Variants in SRP54 observed in about 807,000 individuals in gnomAD.
The protein encoded by SRP54 is signal recognition particle subunit SRP54.
Under a neutral mutation model 64.8 loss-of-function variants are expected in SRP54, and 10 were observed. That is an observed-to-expected ratio of 0.15 (90% confidence interval 0.10 to 0.26). The LOEUF is 0.26. Ranked by LOEUF, SRP54 falls within the 10% of genes least tolerant of loss-of-function variation. SRP54 has a pLI of 1.00. For synonymous variants in SRP54, 193 were observed against 185.6 expected (o/e 1.04, Z -0.32); for missense variants, 325 against 613.7 (o/e 0.53, Z 4.97).
chr14:34,986,074 A>T (rs1027602457), intron 1 of SRP54, among the ~76,000 whole-genome samples: 2 of 152,202 alleles, frequency 1.3e-5, no homozygotes, highest in Non-Finnish European at 2.9e-5. Flanking sequence ...GCCAGAAAGT[A>T]TCGTAAAGAA....
At chr14:35,023,998 T>A (rs956961964) in intron 14 of SRP54, among the ~76,000 whole-genome samples, 1 of 152,002 alleles carries the variant, frequency 6.6e-6, no homozygotes, top group Non-Finnish European at 1.5e-5. Context: ...GCTAAAAAAA[T>A]TTTGTAGTAA....
At chr14:34,999,001 G>T (rs201828191) in intron 2 of SRP54, among the ~76,000 whole-genome samples, 22,440 of 96,366 alleles carry the variant, frequency 0.23, 3,372 homozygotes, top group East Asian at 0.52. Context: ...GTGTGTGTGT[G>T]TGTGTGTGTG....
intron 4 of SRP54, among the ~76,000 whole-genome samples, chr14:35,002,644 C>T (rs1393492004): frequency 6.7e-6 from 1 of 149,536 alleles, no homozygotes; most frequent in Admixed American, 6.7e-5. Flanking sequence ...ACCATGTTGG[C>T]CAGGATGGTC....
intron 13 of SRP54, among the ~76,000 whole-genome samples, chr14:35,022,092 T>C (rs1030691828): frequency 3.3e-5 from 5 of 152,116 alleles, no homozygotes; most frequent in African/African-American, 1.2e-4. Context: ...CTCTTTCTGC[T>C]TGCTTATATA....
intron 1 of SRP54, among the ~76,000 whole-genome samples, chr14:34,994,638 T>C (rs2044037974): frequency 6.6e-6 from 1 of 152,210 alleles, no homozygotes; most frequent in Non-Finnish European, 1.5e-5. Context: ...TCTCCATTTC[T>C]GCTTATGCTA....
chr14:34,999,310 G>T (rs925076033), intron 2 of SRP54, among the ~76,000 whole-genome samples: 1 of 151,902 alleles, frequency 6.6e-6, no homozygotes, highest in East Asian at 1.9e-4. Flanking sequence ...CCACCATGCC[G>T]GGCCTATAAT....
chr14:35,008,884 C>CCT, intron 7 of SRP54, 53 bp downstream of exon 7: 1 of 676,430 alleles, frequency 1.5e-6, no homozygotes. Flanking sequence ...TGTCTGTCAG[C>CCT]TTTTTTTTTT....
intron 7 of SRP54, 152 bp from the exon 8 acceptor site, chr14:35,011,357 C>A: frequency 2.2e-6 from 1 of 459,166 alleles, no homozygotes; most frequent in Non-Finnish European, 3.6e-6. Context: ...GAAGTAGATT[C>A]TGTATTTAAT....
chr14:35,010,589 A>AC (rs1409332919), intron 7 of SRP54, among the ~76,000 whole-genome samples: 1 of 151,904 alleles, frequency 6.6e-6, no homozygotes, highest in African/African-American at 2.4e-5. Flanking sequence ...ACATGGTGAA[A>AC]CCCCGTCTTT....
chr14:35,011,946 T>C (rs961449049), intron 8 of SRP54, among the ~76,000 whole-genome samples: 4 of 152,154 alleles, frequency 2.6e-5, no homozygotes, highest in Non-Finnish European at 5.9e-5. Context: ...AGGCCGGGTA[T>C]GGTGGCTCAC....
intron 11 of SRP54, among the ~76,000 whole-genome samples, chr14:35,017,178 A>G (rs558121653): frequency 1.3e-5 from 2 of 152,194 alleles, no homozygotes; most frequent in African/African-American, 4.8e-5. Context: ...TCTATCTTGG[A>G]TAATCCTACC....
chr14:35,029,014 C>A, intron 15 of SRP54, 47 bp from the exon 16 acceptor site: 1 of 1,453,930 alleles, frequency 6.9e-7, no homozygotes, highest in Non-Finnish European at 9.6e-7. Flanking sequence ...TCCAGTTCTG[C>A]TTAATAATTC....
chr14:35,008,446 A>G lies in SRP54; in HGVS notation c.361-181A>G, dbSNP rs752980491. Among the ~76,000 whole-genome samples the G allele has an allele frequency of 7.0e-4, 107 of 152,242 alleles. 1 individual carries two copies. The highest frequency in any genetic ancestry group is 3.8e-4 in the Non-Finnish European group (26 of 68,046). On this transcript the variant is annotated intron_variant, in intron 5 of 15. Transcript: ENST00000216774. Reference sequence around the variant, plus strand: ...TATATTTGAATGCTACTGCATGACAATTAGAATATAAAACTTTGTAGGAAA... The same window carrying G: ...TATATTTGAATGCTACTGCATGACAGTTAGAATATAAAACTTTGTAGGAAA...
At chr14:35,024,177 AC>A (rs960056372) in intron 14 of SRP54, among the ~76,000 whole-genome samples, 1 of 151,900 alleles carries the variant, frequency 6.6e-6, no homozygotes. Flanking sequence ...AAAGGCATGC[AC>A]CACTACCGCC....
intron 1 of SRP54, among the ~76,000 whole-genome samples, chr14:34,987,216 G>A (rs2043909182): frequency 7.8e-6 from 1 of 128,716 alleles, no homozygotes; most frequent in Non-Finnish European, 1.6e-5. Context: ...GGGTGACAGA[G>A]AGACACTACA....
chr14:35,002,211 G>A (rs1421475887), intron 4 of SRP54, among the ~76,000 whole-genome samples: 1 of 151,716 alleles, frequency 6.6e-6, no homozygotes, highest in African/African-American at 2.4e-5. Context: ...AAAATTAGCC[G>A]GGCATGGTGG....
chr14:35,027,805 T>G (rs11625046), intron 14 of SRP54: 44,610 of 191,862 alleles, frequency 0.23, 6,143 homozygotes, highest in Non-Finnish European at 0.31. Context: ...AATAGTGGCT[T>G]ATTCACAGAT....
At chr14:34,985,125 G>A (rs1443472680) in intron 1 of SRP54, among the ~76,000 whole-genome samples, 1 of 152,170 alleles carries the variant, frequency 6.6e-6, no homozygotes, top group Non-Finnish European at 1.5e-5. Flanking sequence ...TAGCTCAAGA[G>A]TTCGAGACCA....
intron 7 of SRP54, 115 bp downstream of exon 7, chr14:35,008,946 G>C: frequency 1.3e-6 from 1 of 794,180 alleles, no homozygotes; most frequent in Non-Finnish European, 1.9e-6. Context: ...GGGTGCAATG[G>C]TGCGATCTTG....
Sources: gnomAD v4.1 joint callset for allele counts (sites outside exome capture counted in the v4.1 genomes callset) on GRCh38, gnomAD v4.1.1 for gene constraint, MANE v1.5 for transcripts, NCBI Gene and HGNC (gene_info 2026-07-23, HGNC 2026-07-21) for gene names.